The following RHPN2 variants were observed in gnomAD, a reference collection of about 807,000 sequenced individuals.
RHPN2 encodes rhophilin-2.
A neutral mutation model predicts 79.0 loss-of-function variants in RHPN2; 40 were observed. That is an observed-to-expected ratio of 0.51 (90% confidence interval 0.39 to 0.66). The LOEUF (loss-of-function observed/expected upper bound fraction) is 0.66, where lower values mean the gene tolerates loss of function less well. Among genes scored for constraint, RHPN2 ranks in the 30% least tolerant of loss-of-function variants. The pLI is 0.00. For missense variants in RHPN2, 686 were observed against 883.5 expected (o/e 0.78, Z 2.83); for synonymous variants, 285 against 363.5 (o/e 0.78, Z 2.46).
Position 32,996,165 on chromosome 19 carries a change from G to T in RHPN2, c.1281C>A (p.Ala427=), listed in dbSNP as rs12610600. ...MAHHEESVRE[A]SLCKKLRSIE... ...TGCTCCGCAGCTTCTTGCAGAGGCTGGCCTCCCGCACCGACTCCTCGTGAT... is the reference window on the plus strand; with the variant it reads ...TGCTCCGCAGCTTCTTGCAGAGGCTTGCCTCCCGCACCGACTCCTCGTGAT... Residue 427 remains alanine (A), a synonymous_variant, in exon 11 of 15, where the codon GCC becomes GCA. Coordinates refer to ENST00000254260, the MANE Select transcript of RHPN2 (RefSeq NM_033103.5). 0.08 allele frequency: 129,796 copies of T among 1,613,930 alleles called. 6,280 individuals are homozygous for T. Among genetic ancestry groups the T allele is most frequent in the South Asian group, 0.2 (17,935 of 91,078 alleles).
chr19:32,983,157 A>G (rs1388572176), intron 14 of RHPN2, among the ~76,000 whole-genome samples: 1 of 108,766 alleles, frequency 9.2e-6, no homozygotes, highest in Non-Finnish European at 1.9e-5. Context: ...CTCTACACAC[A>G]CACAAACACA....
At chr19:33,052,535 T>G (rs1467240032) in intron 1 of RHPN2, among the ~76,000 whole-genome samples, 2 of 152,328 alleles carry the variant, frequency 1.3e-5, no homozygotes, top group East Asian at 3.9e-4. Context: ...AATCCCTCAC[T>G]CAACCACCAA....
chr19:33,007,946 G>A (rs1971805903), intron 7 of RHPN2, 68 bp downstream of exon 7: 7 of 1,562,106 alleles, frequency 4.5e-6, no homozygotes, highest in Non-Finnish European at 3.5e-6. Context: ...ATTCTCTTCA[G>A]TGGGGGGTCC....
chr19:33,057,358 C>CAAGAA (rs1044102765), intron 1 of RHPN2, among the ~76,000 whole-genome samples: 2 of 151,390 alleles, frequency 1.3e-5, no homozygotes, highest in Admixed American at 6.6e-5. Context: ...AAAGAAAAGA[C>CAAGAA]AAGAAAAGAA....
At chr19:32,996,454 G>C (rs2086917991) in intron 10 of RHPN2, 2 of 572,614 alleles carry the variant, frequency 3.5e-6, no homozygotes, top group South Asian at 1.9e-5. Flanking sequence ...CCCCTTAAGA[G>C]AATAACTAGT....
At chr19:33,021,269 G>A (rs8100450) in intron 4 of RHPN2, among the ~76,000 whole-genome samples, 34,640 of 152,094 alleles carry the variant, frequency 0.23, 4,320 homozygotes, top group African/African-American at 0.33. Context: ...TGGCTGAGAA[G>A]GGCCTCAGGG....
In RHPN2 at chr19:33,044,320, A is replaced by G; in HGVS notation, c.114T>C (p.Asn38=). 6.2e-7 allele frequency: 1 copy of G among 1,614,086 alleles called. No individual in the cohort carries two copies. Among genetic ancestry groups the G allele is most frequent in the Non-Finnish European group, 8.5e-7 (1 of 1,180,020 alleles). ...LAQTGRSKLQ[N]QRAALNQQIL... is the part of the protein sequence containing the mutation. The stretch of plus-strand genomic sequence containing the variant: ...TCTGCTGATTCAAAGCAGCTCTTTG[A>G]TTCTGCAATTTACTCCGGCCGGTTT... The change falls in exon 2 of 15, where the codon AAT becomes AAC. Residue 38 remains asparagine (N), a synonymous_variant. Transcript: ENST00000254260.
intron 2 of RHPN2, among the ~76,000 whole-genome samples, chr19:33,030,713 A>G (rs181745569): frequency 4.6e-4 from 70 of 152,330 alleles, no homozygotes; most frequent in Admixed American, 8.5e-4. Context: ...ACTCCAGCAT[A>G]GTCTAGTCTA....
At chr19:33,012,420 G>A (rs1226474814) in intron 5 of RHPN2, among the ~76,000 whole-genome samples, 4 of 151,822 alleles carry the variant, frequency 2.6e-5, no homozygotes, top group Admixed American at 6.6e-5. Context: ...CAGGTGATCC[G>A]CCCACCTCCA....
intron 4 of RHPN2, among the ~76,000 whole-genome samples, chr19:33,019,854 G>A (rs1426445292): frequency 3.3e-5 from 5 of 151,992 alleles, no homozygotes; most frequent in African/African-American, 7.2e-5. Context: ...TATAACCAAT[G>A]CCTGGGCTGC....
intron 14 of RHPN2, among the ~76,000 whole-genome samples, chr19:32,990,261 A>G (rs1312355412): frequency 1.3e-5 from 2 of 152,112 alleles, no homozygotes; most frequent in Non-Finnish European, 2.9e-5. Context: ...AGGCTGCAGT[A>G]AGCCATGATC....
intron 14 of RHPN2, among the ~76,000 whole-genome samples, chr19:32,989,824 G>C (rs764224862): frequency 6.6e-6 from 1 of 152,268 alleles, no homozygotes; most frequent in East Asian, 1.9e-4. Context: ...TAAAGAATAG[G>C]CTGGGCATGG....
At chr19:32,994,754 G>C (rs527249606) in intron 11 of RHPN2, among the ~76,000 whole-genome samples, 1 of 151,986 alleles carries the variant, frequency 6.6e-6, no homozygotes, top group African/African-American at 2.4e-5. Context: ...CTGAGGTCAA[G>C]AGTTCAAGAC....
At chr19:32,983,107 G>A (rs1399174637) in intron 14 of RHPN2, among the ~76,000 whole-genome samples, 8 of 112,550 alleles carry the variant, frequency 7.1e-5, no homozygotes, top group Non-Finnish European at 9.7e-5. Context: ...CCTGCAATGC[G>A]TACCATCACA....
At chr19:33,040,538 G>T (rs1972093119) in intron 2 of RHPN2, among the ~76,000 whole-genome samples, 1 of 151,946 alleles carries the variant, frequency 6.6e-6, no homozygotes, top group African/African-American at 2.4e-5. Context: ...GTGCTCACCG[G>T]CCCTGCTTTA....
intron 14 of RHPN2, among the ~76,000 whole-genome samples, chr19:32,988,540 G>A (rs1358431747): frequency 6.8e-6 from 1 of 147,746 alleles, no homozygotes; most frequent in Admixed American, 6.8e-5. Flanking sequence ...CCTTCTGAAA[G>A]GGGCTTCCAA....
At chr19:33,012,373 C>T (rs1316362466) in intron 5 of RHPN2, among the ~76,000 whole-genome samples, 1 of 152,042 alleles carries the variant, frequency 6.6e-6, no homozygotes, top group Non-Finnish European at 1.5e-5. Context: ...GACAGGGTTT[C>T]ACCATGTTGG....
intron 2 of RHPN2, among the ~76,000 whole-genome samples, chr19:33,034,025 A>ATT (rs200075991): frequency 6.8e-6 from 1 of 146,516 alleles, no homozygotes. Context: ...TTGGCAAAAC[A>ATT]TTTTTTTTTT....
intron 3 of RHPN2, among the ~76,000 whole-genome samples, chr19:33,023,286 C>G (rs1253388972): frequency 6.6e-6 from 1 of 150,874 alleles, no homozygotes; most frequent in Non-Finnish European, 1.5e-5. Context: ...AATACAAAAA[C>G]TACCTGGGCA....
Sources: gnomAD v4.1 joint callset for allele counts (sites outside exome capture counted in the v4.1 genomes callset) on GRCh38, gnomAD v4.1.1 for gene constraint, MANE v1.5 for transcripts, NCBI Gene and HGNC (gene_info 2026-07-23, HGNC 2026-07-21) for gene names.